The following FGF14 variants were observed in gnomAD, a reference collection of about 807,000 sequenced individuals.
FGF14 encodes the protein fibroblast growth factor homologous factor 4.
FGF14 carries 5 observed loss-of-function variants against 25.5 expected under a neutral mutation model. That is an observed-to-expected ratio of 0.20 (90% confidence interval 0.10 to 0.41). The LOEUF (loss-of-function observed/expected upper bound fraction) is 0.41. Among genes scored for constraint, FGF14 ranks in the 10% least tolerant of loss-of-function variants. The probability of loss-of-function intolerance (pLI) is 1.00; values close to 1 mark genes in which losing one functional copy is unlikely to be tolerated. For synonymous variants in FGF14, 138 were observed against 118.3 expected, an observed-to-expected ratio of 1.17 and a Z score of -1.08; for missense variants, 222 against 320.1, an observed-to-expected ratio of 0.69 and a Z score of 2.34.
intron 1 of FGF14, among the ~76,000 whole-genome samples, chr13:101,911,171 T>C (rs368229824): frequency 2.6e-5 from 4 of 152,080 alleles, no homozygotes; most frequent in African/African-American, 4.8e-5. Flanking sequence ...GGTTTGAAAA[T>C]ACTTGTTCTC....
At chr13:102,057,371 G>T (rs1250655095) in intron 1 of FGF14, among the ~76,000 whole-genome samples, 1 of 152,150 alleles carries the variant, frequency 6.6e-6, no homozygotes, top group East Asian at 1.9e-4. Flanking sequence ...TCAACAGTGA[G>T]TCTGATTGAT....
At chr13:101,932,175 T>A (rs927571426) in intron 1 of FGF14, among the ~76,000 whole-genome samples, 1 of 152,180 alleles carries the variant, frequency 6.6e-6, no homozygotes, top group Non-Finnish European at 1.5e-5. Context: ...TGGAAGACAG[T>A]CTTGCCTTTA....
At chr13:102,157,741 A>C (rs1316757633) in intron 1 of FGF14, among the ~76,000 whole-genome samples, 2 of 152,260 alleles carry the variant, frequency 1.3e-5, no homozygotes, top group Non-Finnish European at 2.9e-5. Context: ...GGCAACCTAC[A>C]GAAAGGGAGA....
intron 1 of FGF14, among the ~76,000 whole-genome samples, chr13:102,014,318 A>G (rs2040227910): frequency 6.6e-6 from 1 of 152,222 alleles, no homozygotes; most frequent in Non-Finnish European, 1.5e-5. Context: ...TTTTTAAATG[A>G]AAATTTTTTC....
At chr13:101,741,069 A>G (rs1488229088) in intron 3 of FGF14, among the ~76,000 whole-genome samples, 1 of 152,150 alleles carries the variant, frequency 6.6e-6, no homozygotes, top group East Asian at 1.9e-4. Context: ...TCCCAGTTGG[A>G]GGCAACCTGT....
At chr13:102,343,383 A>T (rs945447897) in intron 1 of FGF14, among the ~76,000 whole-genome samples, 9 of 152,168 alleles carry the variant, frequency 5.9e-5, no homozygotes, top group Non-Finnish European at 1.2e-4. Flanking sequence ...GTAAGTAGCC[A>T]CTGGCTGAGG....
intron 1 of FGF14, among the ~76,000 whole-genome samples, chr13:102,374,409 G>A (rs1191885044): frequency 6.6e-6 from 1 of 151,256 alleles, no homozygotes; most frequent in Admixed American, 6.6e-5. Flanking sequence ...ACAATTCAAT[G>A]GGCACAAATG....
At chr13:101,948,077 T>A (rs1253643644) in intron 1 of FGF14, among the ~76,000 whole-genome samples, 4 of 152,248 alleles carry the variant, frequency 2.6e-5, no homozygotes, top group Non-Finnish European at 5.9e-5. Flanking sequence ...CCATTTTGTC[T>A]TTTGTCAATT....
chr13:102,062,366 AAAAAT>A (rs1363639787), intron 1 of FGF14, among the ~76,000 whole-genome samples: 54 of 152,216 alleles, frequency 3.5e-4, no homozygotes, highest in African/African-American at 1.1e-3. Flanking sequence ...ACAAAAAGAA[AAAAAT>A]AAAATAAGCC....
intron 1 of FGF14, among the ~76,000 whole-genome samples, chr13:102,381,360 G>C (rs1436426388): frequency 6.6e-6 from 1 of 152,204 alleles, no homozygotes; most frequent in Non-Finnish European, 1.5e-5. Context: ...GGAGCCTCTA[G>C]GAAATGATTA....
At chr13:101,932,756 TAA>T (rs869271842) in intron 1 of FGF14, among the ~76,000 whole-genome samples, 33 of 98,536 alleles carry the variant, frequency 3.3e-4, no homozygotes, top group African/African-American at 6.5e-4. Context: ...AAAATTACAG[TAA>T]AAAAAAAAAA....
intron 1 of FGF14, among the ~76,000 whole-genome samples, chr13:102,116,909 C>G (rs670681): frequency 0.027 from 4,102 of 152,290 alleles, 182 homozygotes; most frequent in African/African-American, 0.093. Context: ...ACCTTACCTC[C>G]CAGCACCAAC....
intron 3 of FGF14, among the ~76,000 whole-genome samples, chr13:101,788,296 G>A (rs1162697710): frequency 3.3e-5 from 5 of 152,154 alleles, no homozygotes; most frequent in Non-Finnish European, 5.9e-5. Context: ...GCTACTTTGA[G>A]ATTGTTGAAA....
At chr13:102,378,676 G>T in intron 1 of FGF14, among the ~76,000 whole-genome samples, 1 of 147,074 alleles carries the variant, frequency 6.8e-6, no homozygotes. Context: ...ATATTTAAAG[G>T]CGGTATTCTC....
intron 1 of FGF14, among the ~76,000 whole-genome samples, chr13:102,072,369 CATAA>C (rs886131524): frequency 1.5e-4 from 23 of 152,096 alleles, no homozygotes; most frequent in Admixed American, 1.2e-3. Context: ...GAAAAGGATA[CATAA>C]ATAAATAAAT....
chr13:102,065,407 G>C (rs2042861017), intron 1 of FGF14, among the ~76,000 whole-genome samples: 2 of 152,026 alleles, frequency 1.3e-5, no homozygotes, highest in South Asian at 4.1e-4. Flanking sequence ...CAGGGTCTTT[G>C]AGTATACAAT....
intron 1 of FGF14, among the ~76,000 whole-genome samples, chr13:102,120,536 C>T (rs1438302779): frequency 6.6e-6 from 1 of 152,156 alleles, no homozygotes; most frequent in African/African-American, 2.4e-5. Flanking sequence ...ATTTTGGAAG[C>T]AGCACAGATG....
intron 1 of FGF14, among the ~76,000 whole-genome samples, chr13:102,251,553 C>T (rs2052173659): frequency 6.6e-6 from 1 of 152,116 alleles, no homozygotes; most frequent in Non-Finnish European, 1.5e-5. Context: ...TTGTACACTG[C>T]ATAAAGGACA....
At chr13:102,034,509 A>C (rs1459155538) in intron 1 of FGF14, among the ~76,000 whole-genome samples, 1 of 152,150 alleles carries the variant, frequency 6.6e-6, no homozygotes, top group Non-Finnish European at 1.5e-5. Context: ...TAATCCTCCG[A>C]CTAGAGCTGC....
Sources: gnomAD v4.1 joint callset for allele counts (sites outside exome capture counted in the v4.1 genomes callset) on GRCh38, gnomAD v4.1.1 for gene constraint, MANE v1.5 for transcripts, NCBI Gene and HGNC (gene_info 2026-07-23, HGNC 2026-07-21) for gene names.